CNTRL: variants seen among roughly 807,000 people sequenced by gnomAD.
CNTRL encodes the protein centriolin.
In CNTRL, 233 loss-of-function variants were observed where a neutral mutation model predicts 303.7. That is an observed-to-expected ratio of 0.77 (90% confidence interval 0.69 to 0.86). The LOEUF (loss-of-function observed/expected upper bound fraction) is 0.86, where lower values mean the gene tolerates loss of function less well. Among genes scored for constraint, CNTRL ranks in the 40% least tolerant of loss-of-function variants. The probability of loss-of-function intolerance (pLI) is 0.00; values close to 1 mark genes in which losing one functional copy is unlikely to be tolerated. For missense variants in CNTRL, 2,524 were observed against 2,650.6 expected, an observed-to-expected ratio of 0.95 and a Z score of 1.05; for synonymous variants, 900 against 922.2, an observed-to-expected ratio of 0.98 and a Z score of 0.44.
At chr9:121,102,095 A>G (rs567504217) in intron 7 of CNTRL, among the ~76,000 whole-genome samples, 3 of 152,248 alleles carry the variant, frequency 2.0e-5, no homozygotes, top group African/African-American at 7.2e-5. Context: ...GAGACACAAC[A>G]AAAAAAGAGA....
At chr9:121,078,010 T>G (rs1001954743) in intron 1 of CNTRL, among the ~76,000 whole-genome samples, 1 of 152,132 alleles carries the variant, frequency 6.6e-6, no homozygotes. Flanking sequence ...TTTAATCCAT[T>G]TAATTAGGAA....
rs893535124 is a variant in CNTRL at position 121,177,539 on chromosome 9, T to TTA, written c.*356_*357dup. ...AGAATGTACTTAAGGCCCTCTTTAT[T>TTA]TATAGTGTCGAGTTATTTTTGAATT... is the stretch of plus-strand genomic sequence containing the variant. On this transcript the variant is annotated 3_prime_UTR_variant, in exon 44 of 44. Transcript: ENST00000373855. 8 of 251,386 alleles carry TTA rather than the reference T, an allele frequency of 3.2e-5. No homozygotes were observed. 15.6% of individuals were successfully genotyped at this position (251,386 alleles called of 1,614,324 possible).
chr9:121,107,644 G>C (rs1248133587), intron 7 of CNTRL, among the ~76,000 whole-genome samples, 158 bp from the exon 8 acceptor site: 1 of 152,066 alleles, frequency 6.6e-6, no homozygotes, highest in African/African-American at 2.4e-5. Flanking sequence ...TTCAAGATCA[G>C]GATAGTCTTT....
At chr9:121,125,061 T>G (rs1354912746) in intron 13 of CNTRL, among the ~76,000 whole-genome samples, 1 of 152,186 alleles carries the variant, frequency 6.6e-6, no homozygotes, top group Non-Finnish European at 1.5e-5. Context: ...TACACATTTA[T>G]GTTGCCAGTC....
rs752374167 is a variant in CNTRL, at chr9:121,173,449, A to G, written c.6624A>G (p.Pro2208=). The G allele has an allele frequency of 9.9e-6, 16 of 1,613,884 alleles. No homozygotes were observed. In the African/African-American group the frequency reaches 1.5e-4, roughly 15 times the overall value. ...GELESLKENL[P]FTMNEGPFEE... ...TGGAAAGCTTGAAAGAGAACCTTCC[A>G]TTTACCATGAATGAGGGACCTTTTG... The change falls in exon 41 of 44, where the codon CCA becomes CCG. Residue 2208 remains proline (P), a synonymous_variant. Coordinates refer to ENST00000373855, the MANE Select transcript of CNTRL (RefSeq NM_007018.6).
At position 121,144,006 on chromosome 9, in the gene CNTRL, C is replaced by T. The variant is rs968041052; in HGVS notation, c.2975C>T (p.Ala992Val). 6.2e-7 allele frequency: 1 copy of T among 1,613,836 alleles called. No individual in the cohort carries two copies. The highest frequency in any genetic ancestry group is 1.3e-5 in the African/African-American group (1 of 74,920). The change falls in exon 20 of 44, where the codon GCT becomes GTT. Residue 992 changes from alanine (A) to valine (V), a missense_variant. Physicochemically the swap from Ala to Val is moderately conservative, Grantham distance 64. Transcript: ENST00000373855. ...GCCACCTCTGATAAGCTAGCCACAG[C>T]TGAGCTCACCATTGCCAAAGACCAG... ...AVATSDKLATAELTIAKDQLK... is the reference protein window; with the variant it reads ...AVATSDKLATVELTIAKDQLK...
rs2051159176 is a variant in CNTRL, at chr9:121,135,826, T to C, written c.2046T>C (p.Ser682=). The change falls in exon 15 of 44, where the codon AGT becomes AGC. Residue 682 remains serine, a synonymous_variant. Coordinates refer to ENST00000373855, the MANE Select transcript of CNTRL (RefSeq NM_007018.6). ...TCTAGGAGCTTGCAGAGCTAGAAAG[T>C]GCCCTCCAAGAGCAGCATGAGGTGA... ...NMRKELAELE[S]ALQEQHEVNA... The C allele has an allele frequency of 2.5e-6, 4 of 1,612,634 alleles. No homozygotes were observed. Among genetic ancestry groups the C allele is most frequent in the Non-Finnish European group, 3.4e-6 (4 of 1,179,442 alleles).
chr9:121,138,427 G>C, intron 15 of CNTRL, 118 bp from the exon 16 acceptor site: 1 of 1,027,376 alleles, frequency 9.7e-7, no homozygotes, highest in Non-Finnish European at 1.4e-6. Context: ...ACATAAAATT[G>C]AGTTGTAAAA....
chr9:121,110,807 C>T, intron 8 of CNTRL, among the ~76,000 whole-genome samples: 1 of 151,976 alleles, frequency 6.6e-6, no homozygotes, highest in East Asian at 1.9e-4. Context: ...CTTGATTATC[C>T]AAAGCTAATA....
Position 121,157,499 on chromosome 9 carries a change from T to C in CNTRL, c.4395T>C (p.Asp1465=). The C allele has an allele frequency of 6.2e-7, 1 of 1,614,008 alleles. No homozygotes were observed. The highest frequency in any genetic ancestry group is 8.5e-7 in the Non-Finnish European group (1 of 1,179,980). ...AAAATGCTGTTGAAAAGTTCACTGA[T>C]GCCAAGAGAAGTTTATTGCAAACTG... ...KTKNAVEKFT[D]AKRSLLQTES... is the part of the protein sequence containing the mutation. Residue 1465 remains aspartate (D), a synonymous_variant, in exon 28 of 44, where the codon GAT becomes GAC. Transcript: ENST00000373855.
At chr9:121,173,629 G>A in intron 41 of CNTRL, 46 bp from the exon 42 acceptor site, 2 of 1,611,896 alleles carry the variant, frequency 1.2e-6, no homozygotes, top group Non-Finnish European at 8.5e-7. Flanking sequence ...GCTTCCATTT[G>A]TAGCAGCAGA....
intron 7 of CNTRL, among the ~76,000 whole-genome samples, chr9:121,098,814 G>C (rs2049000324): frequency 7.3e-6 from 1 of 137,512 alleles, no homozygotes; most frequent in Admixed American, 8.1e-5. Context: ...CTTATGTTTT[G>C]GCAGAGAAGA....
rs573341305 is a variant in CNTRL, at chr9:121,119,313, C to CTT, written c.1650+786_1650+787dup. Among the ~76,000 whole-genome samples, 184 of 137,016 alleles carry CTT rather than the reference C, an allele frequency of 1.3e-3. 2 individuals are homozygous for CTT. Among genetic ancestry groups the CTT allele is most frequent in the East Asian group, 0.013 (61 of 4,790 alleles). The allele number at this position is 137,016 out of a possible 152,430, so 89.9% of individuals were successfully genotyped here. A position where few individuals can be genotyped will look rare whatever the true frequency, so the allele number is the denominator to read the frequency against. On this transcript the variant is annotated intron_variant, in intron 12 of 43. Coordinates refer to ENST00000373855, the MANE Select transcript of CNTRL (RefSeq NM_007018.6). Reference sequence around the variant, plus strand: ...CATCTTTCTTTCTCTCTCTCTCTCTCTTTTTTTTTTTTTTGCTCTGTCGCC... The same window carrying CTT: ...CATCTTTCTTTCTCTCTCTCTCTCTCTTTTTTTTTTTTTTTTGCTCTGTCGCC...
At chr9:121,177,025 A>C in intron 43 of CNTRL, 138 bp from the exon 44 acceptor site, 1 of 686,232 alleles carries the variant, frequency 1.5e-6, no homozygotes, top group South Asian at 1.7e-5. Context: ...AATTTTGTAC[A>C]CTGGTTCATC....
intron 5 of CNTRL, 55 bp from the exon 6 acceptor site, chr9:121,096,367 T>C (rs907728401): frequency 7.1e-6 from 8 of 1,119,464 alleles, no homozygotes; most frequent in Non-Finnish European, 9.6e-6. Context: ...AAAAATACAA[T>C]GGAGAGACTC....
intron 1 of CNTRL, among the ~76,000 whole-genome samples, chr9:121,079,449 C>T (rs2048054550): frequency 6.6e-6 from 1 of 152,106 alleles, no homozygotes. Context: ...GGGAGGATTG[C>T]TTGAGCTCAG....
intron 2 of CNTRL, among the ~76,000 whole-genome samples, chr9:121,085,682 C>T (rs71509552): frequency 0.015 from 2,345 of 152,170 alleles, 28 homozygotes; most frequent in Middle Eastern, 0.024. Flanking sequence ...AAAGTCTTCA[C>T]AAGAAAAGTA....
At position 121,137,483 on chromosome 9, in the gene CNTRL, GA is replaced by G. The variant is rs556720966; in HGVS notation, c.2203-1061del. On this transcript the variant is annotated intron_variant, in intron 15 of 43. Coordinates refer to ENST00000373855, the MANE Select transcript of CNTRL (RefSeq NM_007018.6). ...TATTTGATGAAAATGAAATAAATAA[GA>G]TATTTTGAATCTCAGGAATGCATGT... is the stretch of plus-strand genomic sequence containing the variant. 4.3e-4 allele frequency among the ~76,000 whole-genome samples: 66 copies of G among 152,252 alleles called. 1 individual carries two copies. The East Asian group carries it at 0.011, about 26-fold the overall frequency.
At chr9:121,151,461 GCTCACTGCAAC>G in intron 25 of CNTRL, among the ~76,000 whole-genome samples, 1 of 132,864 alleles carries the variant, frequency 7.5e-6, no homozygotes, top group East Asian at 2.4e-4. Flanking sequence ...CGTGATCTTG[GCTCACTGCAAC>G]CTCCGCCTCC....
Sources: allele counts gnomAD v4.1 joint callset (sites outside exome capture counted in the v4.1 genomes callset), GRCh38; gene constraint gnomAD v4.1.1; transcripts MANE v1.5; gene names NCBI Gene and HGNC (gene_info 2026-07-23, HGNC 2026-07-21).